The following EHMT1 variants were observed in gnomAD, a reference collection of about 807,000 sequenced individuals.
The protein encoded by EHMT1 is euchromatic histone lysine methyltransferase 1.
A neutral mutation model predicts 147.2 loss-of-function variants in EHMT1; 15 were observed. That is an observed-to-expected ratio of 0.10 (90% CI 0.07 to 0.16). The LOEUF is 0.16. Ranked by LOEUF, EHMT1 falls within the 10% of genes least tolerant of loss-of-function variation. The pLI is 1.00. For missense variants in EHMT1, 1,587 were observed against 1,772.4 expected (o/e 0.90, Z 1.88); for synonymous variants, 795 against 709.6 (o/e 1.12, Z -1.91).
intron 4 of EHMT1, among the ~76,000 whole-genome samples, chr9:137,742,394 C>T (rs191658412): frequency 6.7e-6 from 1 of 149,408 alleles, no homozygotes; most frequent in East Asian, 2.0e-4. Flanking sequence ...TGAAGCAAAC[C>T]CTCCCTCCCA....
rs7039665 is a variant in EHMT1 at position 137,711,041 on chromosome 9, T to C, written c.85+11T>C. On this transcript the variant is annotated intron_variant, in intron 2 of 26. Coordinates refer to ENST00000460843, the MANE Select transcript of EHMT1 (RefSeq NM_024757.5). The stretch of plus-strand genomic sequence containing the variant: ...AGCTGCTGGGAGAAGGTGAGGGCGG[T>C]GTGCACCGAGGGACAGGAGCAGCGC... 10 of 1,585,198 alleles carry C rather than the reference T, an allele frequency of 6.3e-6. No homozygotes were observed. Among genetic ancestry groups the C allele is most frequent in the Middle Eastern group, 1.7e-4 (1 of 6,048 alleles).
intron 8 of EHMT1, among the ~76,000 whole-genome samples, chr9:137,756,092 ATGCTTTTG>A (rs1564700813): frequency 6.6e-6 from 1 of 152,212 alleles, no homozygotes; most frequent in East Asian, 1.9e-4. Flanking sequence ...TGGGGGGTTC[ATGCTTTTG>A]TGCTCTAAGA....
intron 1 of EHMT1, among the ~76,000 whole-genome samples, chr9:137,645,590 G>A (rs1844826073): frequency 6.6e-6 from 1 of 152,160 alleles, no homozygotes. Context: ...CAGCGAAGAG[G>A]GGCCTCCTGT....
chr9:137,733,521 G>A (rs1947289262), intron 4 of EHMT1, among the ~76,000 whole-genome samples: 1 of 152,150 alleles, frequency 6.6e-6, no homozygotes, highest in Non-Finnish European at 1.5e-5. Flanking sequence ...GCGGGAAGCT[G>A]GGACGGTTAA....
At chr9:137,720,639 G>A (rs566307214) in intron 3 of EHMT1, among the ~76,000 whole-genome samples, 12 of 152,236 alleles carry the variant, frequency 7.9e-5, no homozygotes, top group African/African-American at 2.6e-4. Flanking sequence ...TATAATGTAT[G>A]TAACCTTTTG....
chr9:137,628,964 AT>A (rs937850149), intron 1 of EHMT1, among the ~76,000 whole-genome samples: 13 of 142,582 alleles, frequency 9.1e-5, no homozygotes, highest in African/African-American at 3.1e-4. Context: ...TAGGAACTTT[AT>A]TTTTTTTTTC....
intron 1 of EHMT1, among the ~76,000 whole-genome samples, chr9:137,655,752 C>T (rs187026857): frequency 1.2e-4 from 19 of 152,224 alleles, no homozygotes; most frequent in East Asian, 1.2e-3. Context: ...ACTGCACATG[C>T]GAGTGATCTG....
intron 1 of EHMT1, among the ~76,000 whole-genome samples, chr9:137,670,244 T>G (rs569774730): frequency 2.0e-5 from 3 of 152,260 alleles, no homozygotes; most frequent in South Asian, 4.1e-4. Context: ...TCCAAAGATT[T>G]GTGTTTTTTT....
intron 1 of EHMT1, among the ~76,000 whole-genome samples, chr9:137,627,409 C>T (rs1028785596): frequency 4.0e-5 from 6 of 151,280 alleles, no homozygotes; most frequent in South Asian, 2.1e-4. Flanking sequence ...ATTACAGGTG[C>T]GCACCACCAC....
chr9:137,800,409 G>A, intron 17 of EHMT1: 1 of 203,874 alleles, frequency 4.9e-6, no homozygotes, highest in Non-Finnish European at 1.0e-5. Context: ...GGGGTCCCTG[G>A]CTCTCCTGCA....
chr9:137,806,393 C>T (rs967884508), intron 18 of EHMT1, among the ~76,000 whole-genome samples: 1 of 152,052 alleles, frequency 6.6e-6, no homozygotes, highest in Non-Finnish European at 1.5e-5. Flanking sequence ...GGCCTCACTC[C>T]CTTTACCTTT....
chr9:137,757,854 C>T, intron 8 of EHMT1, 26 bp from the exon 9 acceptor site: 1 of 1,613,270 alleles, frequency 6.2e-7, no homozygotes, highest in Middle Eastern at 1.7e-4. Flanking sequence ...TGCGTGGTGT[C>T]TGATGTGTGT....
At chr9:137,694,639 A>G (rs1943245035) in intron 1 of EHMT1, among the ~76,000 whole-genome samples, 2 of 152,202 alleles carry the variant, frequency 1.3e-5, no homozygotes, top group South Asian at 4.1e-4. Context: ...GGGCGGGTAG[A>G]GGCTGTAAGT....
chr9:137,804,531 A>G (rs190564755), intron 18 of EHMT1, among the ~76,000 whole-genome samples: 13 of 152,284 alleles, frequency 8.5e-5, no homozygotes, highest in Admixed American at 7.2e-4. Flanking sequence ...TATATGGTTT[A>G]CAGATCTGTC....
chr9:137,708,672 T>C (rs1345821573), intron 1 of EHMT1, among the ~76,000 whole-genome samples: 1 of 152,248 alleles, frequency 6.6e-6, no homozygotes, highest in Non-Finnish European at 1.5e-5. Context: ...GGTAGAGTTT[T>C]AACATTGGCA....
chr9:137,831,630 G>C (rs1017714469), intron 25 of EHMT1, among the ~76,000 whole-genome samples: 1 of 152,184 alleles, frequency 6.6e-6, no homozygotes, highest in Non-Finnish European at 1.5e-5. Context: ...ATCTTTCTTT[G>C]TTCTTCATTG....
intron 18 of EHMT1, among the ~76,000 whole-genome samples, chr9:137,808,699 T>A (rs1467175379): frequency 6.6e-6 from 1 of 151,730 alleles, no homozygotes; most frequent in Non-Finnish European, 1.5e-5. Flanking sequence ...TGGTGGCAGA[T>A]CACTTGAGGT....
chr9:137,669,589 C>T (rs994673706), intron 1 of EHMT1, among the ~76,000 whole-genome samples: 3 of 146,364 alleles, frequency 2.0e-5, no homozygotes, highest in African/African-American at 5.1e-5. Context: ...ACTGTCTACC[C>T]AGGGCGCAGC....
At chr9:137,754,081 T>C in intron 7 of EHMT1, 90 bp from the exon 8 acceptor site, 1 of 1,592,782 alleles carries the variant, frequency 6.3e-7, no homozygotes. Context: ...TAGCCAGTGT[T>C]CTGTTTTGCA....
Sources: allele counts gnomAD v4.1 joint callset (sites outside exome capture counted in the v4.1 genomes callset), GRCh38; gene constraint gnomAD v4.1.1; transcripts MANE v1.5; gene names NCBI Gene and HGNC (gene_info 2026-07-23, HGNC 2026-07-21).